Variants in SDK1 observed in about 807,000 individuals in gnomAD.
SDK1 encodes the protein protein sidekick-1.
A neutral mutation model predicts 245.5 loss-of-function variants in SDK1; 157 were observed. The ratio of observed to expected loss-of-function variants is 0.64; its 90% confidence interval spans 0.56 to 0.73. SDK1 has a LOEUF of 0.73. Ranked by LOEUF, SDK1 falls within the 30% of genes least tolerant of loss-of-function variation. The pLI, the probability that SDK1 is intolerant of heterozygous loss-of-function variation, is 0.00. For missense variants in SDK1, 3,583 were observed against 3,002.3 expected (o/e 1.19, Z -4.52); for synonymous variants, 1,647 against 1,278.5 (o/e 1.29, Z -6.15).
At chr7:3,344,601 A>C (rs550181081) in intron 1 of SDK1, among the ~76,000 whole-genome samples, 1 of 152,292 alleles carries the variant, frequency 6.6e-6, no homozygotes, top group Non-Finnish European at 1.5e-5. Flanking sequence ...AGATACCCCA[A>C]AATTTGCAAC....
chr7:3,988,394 C>T (rs1417294978), intron 14 of SDK1, among the ~76,000 whole-genome samples: 2 of 152,064 alleles, frequency 1.3e-5, no homozygotes, highest in Admixed American at 6.6e-5. Flanking sequence ...CCAGCCGGCC[C>T]TGTTTCCTCA....
At chr7:3,818,427 A>G (rs1166403417) in intron 4 of SDK1, among the ~76,000 whole-genome samples, 1 of 152,162 alleles carries the variant, frequency 6.6e-6, no homozygotes, top group Non-Finnish European at 1.5e-5. Flanking sequence ...TTGTGGAAAA[A>G]CTGGAAAATA....
At chr7:3,361,673 C>G (rs1343667157) in intron 1 of SDK1, among the ~76,000 whole-genome samples, 2 of 152,132 alleles carry the variant, frequency 1.3e-5, no homozygotes, top group Non-Finnish European at 1.5e-5. Flanking sequence ...TGGCTGCCAC[C>G]TCTTTAGAAC....
At chr7:3,777,151 G>C (rs1181973091) in intron 4 of SDK1, among the ~76,000 whole-genome samples, 8 of 152,176 alleles carry the variant, frequency 5.3e-5, no homozygotes. Flanking sequence ...AAGTGTCACT[G>C]TAGGGCTGTA....
At chr7:4,189,393 T>A (rs2128222106) in intron 35 of SDK1, among the ~76,000 whole-genome samples, 1 of 152,294 alleles carries the variant, frequency 6.6e-6, no homozygotes, top group South Asian at 2.1e-4. Flanking sequence ...AAGAGCAACA[T>A]AGGTTTTCCC....
intron 2 of SDK1, among the ~76,000 whole-genome samples, chr7:3,624,127 T>G (rs183563915): frequency 3.9e-5 from 6 of 152,204 alleles, no homozygotes; most frequent in African/African-American, 1.4e-4. Context: ...CTATAAAAAT[T>G]ACAGTTCCTT....
intron 32 of SDK1, among the ~76,000 whole-genome samples, chr7:4,169,445 A>C (rs545795240): frequency 6.6e-6 from 1 of 152,240 alleles, no homozygotes; most frequent in African/African-American, 2.4e-5. Context: ...CCCGCCTTGC[A>C]GAGGGCCAGC....
intron 1 of SDK1, among the ~76,000 whole-genome samples, chr7:3,374,069 G>A (rs1781293339): frequency 1.3e-5 from 2 of 152,102 alleles, no homozygotes; most frequent in South Asian, 4.1e-4. Flanking sequence ...CCAAATTGTG[G>A]ATTTTTCTTT....
At chr7:3,412,072 G>T (rs1779225680) in intron 1 of SDK1, among the ~76,000 whole-genome samples, 1 of 152,108 alleles carries the variant, frequency 6.6e-6, no homozygotes, top group South Asian at 2.1e-4. Flanking sequence ...GAGAAAGAAG[G>T]CGTGTTTAAA....
chr7:3,971,123 T>C (rs1782457652), intron 11 of SDK1, among the ~76,000 whole-genome samples: 1 of 152,194 alleles, frequency 6.6e-6, no homozygotes, highest in Admixed American at 6.5e-5. Context: ...TAGAAATGAC[T>C]AGAATGATGG....
intron 4 of SDK1, among the ~76,000 whole-genome samples, chr7:3,692,466 A>G (rs941146866): frequency 6.6e-6 from 1 of 152,108 alleles, no homozygotes; most frequent in African/African-American, 2.4e-5. Context: ...AGGATTTCTT[A>G]TATTACATAT....
chr7:3,760,509 C>A lies in SDK1; in HGVS notation c.714-60941C>A, dbSNP rs191859356. Among the ~76,000 whole-genome samples the A allele has an allele frequency of 4.6e-5, 7 of 152,252 alleles. No homozygotes were observed. In the South Asian group the frequency reaches 1.5e-3, roughly 32 times the overall value. On this transcript the variant is annotated intron_variant, in intron 4 of 44. Transcript: ENST00000404826. ...AAGTGACCTATGAAGTGTTCGGTCA[C>A]GTTTTTATGTTTGCCAAATAAATCT... is the stretch of plus-strand genomic sequence containing the variant.
At position 3,473,325 on chromosome 7, in the gene SDK1, G is replaced by A. The variant is rs569561921; in HGVS notation, c.299-145755G>A. Among the ~76,000 whole-genome samples, 16 of 152,280 alleles carry A rather than the reference G, an allele frequency of 1.1e-4. No individual in the cohort carries two copies. In the South Asian group the frequency reaches 1.9e-3, roughly 18 times the overall value. On this transcript the variant is annotated intron_variant, in intron 1 of 44. Coordinates refer to ENST00000404826, the MANE Select transcript of SDK1 (RefSeq NM_152744.4). ...AACTGGGGAATCAATTAGAAGAACA[G>A]GTAGAAAACAAGGAGTGAAGTTGTG...
At position 4,002,473 on chromosome 7, in the gene SDK1, G is replaced by A. The variant is rs201423912; in HGVS notation, c.2132-8493G>A. Among the ~76,000 whole-genome samples, 6 of 152,258 alleles carry A rather than the reference G, an allele frequency of 3.9e-5. No homozygotes were observed. In the East Asian group the frequency reaches 1.2e-3, roughly 29 times the overall value. Reference sequence around the variant, plus strand: ...TCACTGAGCTGAACACTAAGATACAGGTCGGAGTCTCCAAAAACGTGAAAG... The same window carrying A: ...TCACTGAGCTGAACACTAAGATACAAGTCGGAGTCTCCAAAAACGTGAAAG... On this transcript the variant is annotated intron_variant, in intron 14 of 44. Transcript: ENST00000404826.
At chr7:3,614,722 C>T (rs763454368) in intron 1 of SDK1, among the ~76,000 whole-genome samples, 2 of 152,166 alleles carry the variant, frequency 1.3e-5, no homozygotes, top group African/African-American at 4.8e-5. Context: ...CTATTCCCCA[C>T]CTTGGCTAAT....
chr7:3,421,375 C>T (rs947406011), intron 1 of SDK1, among the ~76,000 whole-genome samples: 8 of 152,198 alleles, frequency 5.3e-5, no homozygotes, highest in Middle Eastern at 3.4e-3. Flanking sequence ...CGAGCCTGGC[C>T]TGCACTCTCA....
chr7:4,025,514 C>T (rs1240095526), intron 17 of SDK1, among the ~76,000 whole-genome samples: 1 of 152,174 alleles, frequency 6.6e-6, no homozygotes, highest in Non-Finnish European at 1.5e-5. Context: ...CGCTAGAGGA[C>T]ATGTGGAAAA....
At chr7:3,955,034 A>G (rs1423980526) in intron 7 of SDK1, among the ~76,000 whole-genome samples, 1 of 151,780 alleles carries the variant, frequency 6.6e-6, no homozygotes, top group Non-Finnish European at 1.5e-5. Flanking sequence ...TGTGAGATGC[A>G]TCTTCCCTCC....
chr7:4,051,610 CTGTCT>C, intron 18 of SDK1, 23 bp from the exon 19 acceptor site: 1 of 1,584,462 alleles, frequency 6.3e-7, no homozygotes, highest in South Asian at 1.2e-5. Flanking sequence ...TGAAAACAGG[CTGTCT>C]TTTTCACCCT....
Sources: gnomAD v4.1 joint callset for allele counts (sites outside exome capture counted in the v4.1 genomes callset) on GRCh38, gnomAD v4.1.1 for gene constraint, MANE v1.5 for transcripts, NCBI Gene and HGNC (gene_info 2026-07-23, HGNC 2026-07-21) for gene names.